MYPN: variants seen among roughly 807,000 people sequenced by gnomAD.
MYPN encodes the protein sarcomeric protein myopalladin, 145 kDa (MYOP).
MYPN carries 63 observed loss-of-function variants against 129.4 expected under a neutral mutation model. The ratio of observed to expected loss-of-function variants is 0.49; its 90% CI spans 0.40 to 0.60. The LOEUF (loss-of-function observed/expected upper bound fraction) is 0.60. Among genes scored for constraint, MYPN ranks in the 20% least tolerant of loss-of-function variants. The probability of loss-of-function intolerance (pLI) is 0.00; values close to 1 mark genes in which losing one functional copy is unlikely to be tolerated. For synonymous variants in MYPN, 629 were observed against 600.9 expected, an observed-to-expected ratio of 1.05 and a Z score of -0.68; for missense variants, 1,596 against 1,635.4, an observed-to-expected ratio of 0.98 and a Z score of 0.42.
intron 15 of MYPN, 108 bp downstream of exon 15, chr10:68,195,640 C>T (rs2043592661): frequency 2.3e-6 from 2 of 863,430 alleles, no homozygotes; most frequent in South Asian, 1.4e-5. Context: ...GGTAGTCCTT[C>T]ACTTGCAGCA....
At chr10:68,088,491 G>A (rs1412485274) in intron 1 of MYPN, among the ~76,000 whole-genome samples, 2 of 152,130 alleles carry the variant, frequency 1.3e-5, no homozygotes, top group African/African-American at 2.4e-5. Context: ...ATAAAGAACT[G>A]GATCAGTGAT....
intron 3 of MYPN, among the ~76,000 whole-genome samples, chr10:68,144,365 A>G (rs1358667439): frequency 6.6e-6 from 1 of 152,150 alleles, no homozygotes; most frequent in Admixed American, 6.5e-5. Context: ...CCCATTTATC[A>G]ACTAGATTGT....
At chr10:68,148,285 T>C in intron 4 of MYPN, 68 bp from the exon 5 acceptor site, 4 of 1,287,624 alleles carry the variant, frequency 3.1e-6, no homozygotes, top group Non-Finnish European at 4.5e-6. Context: ...CATTACTAGT[T>C]TTCCTAAAAT....
chr10:68,182,458 T>C (rs2043348584), intron 12 of MYPN, among the ~76,000 whole-genome samples: 1 of 107,614 alleles, frequency 9.3e-6, no homozygotes, highest in African/African-American at 3.8e-5. Context: ...ATAACATATA[T>C]ATATAACATA....
At chr10:68,128,734 G>A (rs2134016804) in intron 2 of MYPN, among the ~76,000 whole-genome samples, 1 of 152,260 alleles carries the variant, frequency 6.6e-6, no homozygotes, top group East Asian at 1.9e-4. Context: ...CTCATGGGTT[G>A]GGAAGGTTTT....
intron 14 of MYPN, among the ~76,000 whole-genome samples, chr10:68,195,220 T>C (rs967958069): frequency 5.3e-5 from 8 of 152,130 alleles, no homozygotes; most frequent in Non-Finnish European, 1.0e-4. Flanking sequence ...CTTTGACTTG[T>C]TCATATCTCA....
intron 7 of MYPN, 122 bp downstream of exon 7, chr10:68,158,749 G>T: frequency 1.4e-6 from 1 of 709,180 alleles, no homozygotes. Flanking sequence ...AAAAACACCT[G>T]TAATCATACT....
In MYPN at chr10:68,174,550, A is replaced by G; in HGVS notation, c.2458A>G (p.Thr820Ala). Residue 820 changes from threonine (T) to alanine (A), a missense_variant, in exon 11 of 20, where the codon ACC becomes GCC. Thr to Ala is a moderately conservative substitution (Grantham distance 58, BLOSUM62 0). Coordinates refer to ENST00000358913, the MANE Select transcript of MYPN (RefSeq NM_032578.4). ...TGTGTCCCCAATTCCTGTCTCTCCT[A>G]CCAGCCGGATTCAGAACCCAGTGGC... ...RCVSPIPVSP[T>A]SRIQNPVAFL... 6.2e-7 allele frequency: 1 copy of G among 1,614,048 alleles called. No individual in the cohort carries two copies.
At chr10:68,194,291 A>G (rs1371982043) in intron 13 of MYPN, 72 bp from the exon 14 acceptor site, 18 of 1,557,642 alleles carry the variant, frequency 1.2e-5, no homozygotes, top group Non-Finnish European at 1.6e-5. Flanking sequence ...CCCTTTCCTC[A>G]CCCCAGACCC....
At chr10:68,160,858 A>G (rs958786200) in intron 7 of MYPN, among the ~76,000 whole-genome samples, 1 of 152,204 alleles carries the variant, frequency 6.6e-6, no homozygotes, top group Non-Finnish European at 1.5e-5. Context: ...CAGAGGTTGC[A>G]GTGAGCCAAG....
rs746521027 is a variant in MYPN at position 68,122,276 on chromosome 10, G to C, written c.838G>C (p.Val280Leu). ...RFTQKLRSRE[V>L]PEGTRVQLDC... ...CACTCAAAAGTTACGGAGCAGAGAA[G>C]TTCCAGAAGGAACTCGAGTACAGTT... Residue 280 changes from valine (V) to leucine (L), a missense_variant, in exon 2 of 20, where the codon GTT becomes CTT. Physicochemically the swap from Val to Leu is conservative, Grantham distance 32. Transcript: ENST00000358913. 2.5e-6 allele frequency: 4 copies of C among 1,614,056 alleles called. No individual in the cohort carries two copies. The highest frequency in any genetic ancestry group is 2.2e-5 in the East Asian group (1 of 44,880).
chr10:68,187,748 A>G (rs2043444441), intron 12 of MYPN, among the ~76,000 whole-genome samples: 1 of 152,232 alleles, frequency 6.6e-6, no homozygotes, highest in Non-Finnish European at 1.5e-5. Flanking sequence ...GGATGAGCTC[A>G]CCTAGAGCAG....
intron 15 of MYPN, among the ~76,000 whole-genome samples, chr10:68,195,800 A>G (rs2043595691): frequency 6.6e-6 from 1 of 151,716 alleles, no homozygotes; most frequent in Non-Finnish European, 1.5e-5. Context: ...CTTTTTTTTT[A>G]AGTTTGATTT....
Position 68,148,750 on chromosome 10 carries a change from A to C in MYPN, c.1245+283A>C, listed in dbSNP as rs1349747612. On this transcript the variant is annotated intron_variant, in intron 5 of 19. Coordinates refer to ENST00000358913, the MANE Select transcript of MYPN (RefSeq NM_032578.4). ...CTGATTACATATGCAGTGAGCTGTC[A>C]GCTCTCAGACTGGCCTAGAACAAAC... Among the ~76,000 whole-genome samples the C allele has an allele frequency of 2.0e-5, 3 of 152,234 alleles. No individual in the cohort carries two copies. In the East Asian group the frequency reaches 5.8e-4, roughly 29 times the overall value.
intron 18 of MYPN, 140 bp downstream of exon 18, chr10:68,202,134 A>T: frequency 8.9e-7 from 1 of 1,121,608 alleles, no homozygotes; most frequent in Non-Finnish European, 1.3e-6. Context: ...TATTGTGTGT[A>T]TTAAGAATGT....
At chr10:68,173,633 A>T (rs1042206274) in intron 10 of MYPN, among the ~76,000 whole-genome samples, 1 of 149,890 alleles carries the variant, frequency 6.7e-6, no homozygotes, top group South Asian at 2.1e-4. Context: ...GATGAGTCTC[A>T]CTCTGTCACT....
rs574103770 is a variant in MYPN at position 68,164,882 on chromosome 10, T to C, written c.1484-820T>C. Among the ~76,000 whole-genome samples the C allele has an allele frequency of 3.3e-5, 5 of 152,370 alleles. No individual in the cohort carries two copies. The South Asian group carries it at 1.0e-3, about 32-fold the overall frequency. On this transcript the variant is annotated intron_variant, in intron 8 of 19. Transcript: ENST00000358913. ...ATTTCAAGTTACTCTATCAGCTCAT[T>C]ACTACTAGTAAAGCAAAATATTTAT...
rs144822514 is a variant in MYPN, at chr10:68,174,197, C to A, written c.2105C>A (p.Ala702Glu). 6.2e-7 allele frequency: 1 copy of A among 1,613,908 alleles called. No individual in the cohort carries two copies. The change falls in exon 11 of 20, where the codon GCG (alanine) becomes GAG (glutamate). Residue 702 changes from alanine (A) to glutamate (E), a missense_variant. Coordinates refer to ENST00000358913, the MANE Select transcript of MYPN (RefSeq NM_032578.4). ...MTVLNSNAPPAVTTSSKQVKA... is the reference protein window; with the variant it reads ...MTVLNSNAPPEVTTSSKQVKA... ...GTTTTGAACTCCAATGCTCCCCCAG[C>A]GGTGACAACATCCAGTAAGCAGGTG...
intron 2 of MYPN, among the ~76,000 whole-genome samples, chr10:68,124,452 C>T (rs2042296240): frequency 1.3e-5 from 2 of 152,044 alleles, no homozygotes; most frequent in Non-Finnish European, 2.9e-5. Flanking sequence ...AATTATAGGA[C>T]AATAGTAGTA....
Sources: gnomAD v4.1 joint callset for allele counts (sites outside exome capture counted in the v4.1 genomes callset) on GRCh38, gnomAD v4.1.1 for gene constraint, MANE v1.5 for transcripts, NCBI Gene and HGNC (gene_info 2026-07-23, HGNC 2026-07-21) for gene names.